Variants in FKBP15 observed in about 807,000 individuals in gnomAD.
FKBP15 encodes the protein FK506-binding protein 15.
FKBP15 carries 106 observed loss-of-function variants against 158.1 expected under a neutral mutation model. The observed-to-expected ratio is 0.67, with a 90% CI of 0.57 to 0.79. FKBP15 has a LOEUF of 0.79. Among genes scored for constraint, FKBP15 ranks in the 30% least tolerant of loss-of-function variants. The pLI is 0.00. For synonymous variants in FKBP15, 547 were observed against 548.6 expected (o/e 1.00, Z 0.04); for missense variants, 1,287 against 1,479.1 (o/e 0.87, Z 2.13).
chr9:113,212,563 G>A (rs1395815449), intron 1 of FKBP15, among the ~76,000 whole-genome samples: 2 of 152,120 alleles, frequency 1.3e-5, no homozygotes, highest in African/African-American at 4.8e-5. Context: ...TTTTTATACT[G>A]TCAATTAACT....
At chr9:113,194,864 C>T (rs996605709) in intron 9 of FKBP15, among the ~76,000 whole-genome samples, 2 of 152,136 alleles carry the variant, frequency 1.3e-5, no homozygotes, top group African/African-American at 4.8e-5. Context: ...AATATCTATG[C>T]TATTAAAAAG....
intron 19 of FKBP15, among the ~76,000 whole-genome samples, chr9:113,181,981 G>C (rs1830406527): frequency 6.6e-6 from 1 of 152,120 alleles, no homozygotes; most frequent in Non-Finnish European, 1.5e-5. Flanking sequence ...TGCAGGATGA[G>C]GCACTGCTTG....
intron 4 of FKBP15, among the ~76,000 whole-genome samples, chr9:113,205,137 A>G (rs1830863400): frequency 6.6e-6 from 1 of 152,242 alleles, no homozygotes; most frequent in Non-Finnish European, 1.5e-5. Flanking sequence ...ATGGATTCTC[A>G]GATAAAACAC....
rs16911401 is a variant in FKBP15, at chr9:113,178,325, G to A, written c.2086+305C>T. On this transcript the variant is annotated intron_variant, in intron 20 of 27. Transcript: ENST00000238256. Reference sequence around the variant, plus strand: ...TTTTTAAACTTCCACTGAGTCATGAGTTAGAACAACACATCAACTATTCCA... The same window carrying A: ...TTTTTAAACTTCCACTGAGTCATGAATTAGAACAACACATCAACTATTCCA... Among the ~76,000 whole-genome samples, 737 of 152,284 alleles carry A rather than the reference G, an allele frequency of 4.8e-3. 5 individuals are homozygous for A. Among genetic ancestry groups the A allele is most frequent in the African/African-American group, 0.016 (682 of 41,542 alleles).
rs1830045850 is a variant in FKBP15, at chr9:113,163,198, C to T, written c.*2880G>A. 3.8e-6 allele frequency: 1 copy of T among 262,296 alleles called. No homozygotes were observed. The highest frequency in any genetic ancestry group is 2.2e-5 in the African/African-American group (1 of 45,040). The allele number at this position is 262,296 out of a possible 1,614,324, so 16.2% of individuals were successfully genotyped here. A position where few individuals can be genotyped will look rare whatever the true frequency, so the allele number is the denominator to read the frequency against. ...GGAGATAACAGGGGTGGCAGGGTTA[C>T]TGAGCCCATGACAATGCTTCTCTGT... On this transcript the variant is annotated 3_prime_UTR_variant, in exon 28 of 28. Transcript: ENST00000238256.
intron 1 of FKBP15, among the ~76,000 whole-genome samples, chr9:113,213,682 C>G (rs1234995578): frequency 6.6e-6 from 1 of 152,028 alleles, no homozygotes; most frequent in Non-Finnish European, 1.5e-5. Context: ...GTATGCTTGC[C>G]ATGTGATGCC....
intron 1 of FKBP15, among the ~76,000 whole-genome samples, chr9:113,218,797 T>C (rs139285962): frequency 6.6e-6 from 1 of 152,344 alleles, no homozygotes; most frequent in East Asian, 1.9e-4. Context: ...TAACTGGGGA[T>C]AGAATCAACA....
At chr9:113,170,932 C>T (rs1453214389) in intron 24 of FKBP15, among the ~76,000 whole-genome samples, 1 of 152,178 alleles carries the variant, frequency 6.6e-6, no homozygotes, top group East Asian at 1.9e-4. Context: ...GTGAGCACCA[C>T]TAGGAGCTGC....
chr9:113,163,033 C>T lies in FKBP15; in HGVS notation c.*3045G>A, dbSNP rs1830042392. On this transcript the variant is annotated 3_prime_UTR_variant, in exon 28 of 28. Transcript: ENST00000238256. ...CTATTCCTCCACCTTATTCCCAGCC[C>T]CTGGAAACTTTGAGCTGAAGCCAGC... The T allele has an allele frequency of 5.6e-6, 6 of 1,062,888 alleles. No individual in the cohort carries two copies. Among genetic ancestry groups the T allele is most frequent in the Non-Finnish European group, 7.7e-6 (6 of 777,336 alleles). 65.8% of individuals were successfully genotyped at this position (1,062,888 alleles called of 1,614,324 possible).
rs986452849 is a variant in FKBP15 at position 113,163,076 on chromosome 9, C to T, written c.*3002G>A. The T allele has an allele frequency of 5.6e-5, 36 of 642,990 alleles. No individual in the cohort carries two copies. Among genetic ancestry groups the T allele is most frequent in the East Asian group, 4.1e-4 (13 of 31,804 alleles). 39.8% of individuals were successfully genotyped at this position (642,990 alleles called of 1,614,324 possible). A position where few individuals can be genotyped will look rare whatever the true frequency, so the allele number is the denominator to read the frequency against. ...AAGCCAGCACTTGCTCCCTGGAGTT[C>T]GGAAGCCATTGCAGCAACCTTCCTT... On this transcript the variant is annotated 3_prime_UTR_variant, in exon 28 of 28. Transcript: ENST00000238256.
In FKBP15 at chr9:113,178,721, C is replaced by CT; in HGVS notation, c.1994dup (p.Glu666GlyfsTer37). On this transcript the variant is annotated frameshift_variant, in exon 20 of 28. Transcript: ENST00000238256. LOFTEE classifies it high-confidence loss of function. ...TCAGCTGCATCTGCAGCTCTGTTTCCTTTTTTTGGTGAGCAGTCATTTTCA... is the reference window on the plus strand; with the variant it reads ...TCAGCTGCATCTGCAGCTCTGTTTCCTTTTTTTTGGTGAGCAGTCATTTTCA... The CT allele has an allele frequency of 1.2e-6, 2 of 1,608,726 alleles. No individual in the cohort carries two copies. The highest frequency in any genetic ancestry group is 1.7e-6 in the Non-Finnish European group (2 of 1,177,534).
intron 18 of FKBP15, 69 bp from the exon 19 acceptor site, chr9:113,182,937 C>T (rs1830425813): frequency 2.5e-6 from 3 of 1,213,096 alleles, no homozygotes; most frequent in Non-Finnish European, 2.4e-6. Context: ...CAACCCAATG[C>T]CCATTCTGTC....
Position 113,163,065 on chromosome 9 carries a change from TCC to T in FKBP15, c.*3011_*3012del. The T allele has an allele frequency of 4.1e-6, 3 of 723,418 alleles. No individual in the cohort carries two copies. In the Admixed American group the frequency reaches 1.0e-4, roughly 25 times the overall value. The allele number at this position is 723,418 out of a possible 1,614,324, so 44.8% of individuals were successfully genotyped here. On this transcript the variant is annotated 3_prime_UTR_variant, in exon 28 of 28. Coordinates refer to ENST00000238256, the MANE Select transcript of FKBP15 (RefSeq NM_015258.2). ...ACTTTGAGCTGAAGCCAGCACTTGC[TCC>T]CTGGAGTTCGGAAGCCATTGCAGCA...
chr9:113,176,414 A>T (rs1830300517), intron 21 of FKBP15, 123 bp downstream of exon 21: 18 of 1,214,178 alleles, frequency 1.5e-5, no homozygotes, highest in Admixed American at 2.9e-5. Context: ...TTTTTTTTTA[A>T]TTTTACACTT....
intron 1 of FKBP15, among the ~76,000 whole-genome samples, chr9:113,212,595 CTT>C (rs1000281414): frequency 6.6e-6 from 1 of 152,166 alleles, no homozygotes; most frequent in African/African-American, 2.4e-5. Flanking sequence ...AAATTCTTCT[CTT>C]GACTTCTGCA....
chr9:113,208,604 T>G (rs1303143734), intron 2 of FKBP15, among the ~76,000 whole-genome samples: 1 of 152,184 alleles, frequency 6.6e-6, no homozygotes, highest in African/African-American at 2.4e-5. Flanking sequence ...TAAATTAAAA[T>G]GCAACATTTT....
At chr9:113,170,068 A>T (rs999766877) in intron 25 of FKBP15, 126 bp from the exon 26 acceptor site, 1 of 1,261,928 alleles carries the variant, frequency 7.9e-7, no homozygotes, top group African/African-American at 1.5e-5. Flanking sequence ...GAGGCTGACT[A>T]TATCTGTCAA....
intron 11 of FKBP15, among the ~76,000 whole-genome samples, chr9:113,191,077 C>T (rs1168937443): frequency 1.3e-5 from 2 of 152,194 alleles, no homozygotes; most frequent in Admixed American, 6.5e-5. Context: ...CTTCCATTAA[C>T]TGATCCAAAA....
Position 113,168,517 on chromosome 9 carries a change from TGC to T in FKBP15, c.3523_3524del (p.Ala1175AsnfsTer12). The T allele has an allele frequency of 6.2e-7, 1 of 1,613,978 alleles. No individual in the cohort carries two copies. The highest frequency in any genetic ancestry group is 2.2e-5 in the East Asian group (1 of 44,886). ...GDEEDELFKG[A>X]TLKALRPKAQ... is the part of the protein sequence containing the mutation. Reference sequence around the variant, plus strand: ...CTTTGGGCCTCAGAGCTTTCAGAGTTGCCCCTTTAAACAGTTCATCCTCTTCA... The same window carrying T: ...CTTTGGGCCTCAGAGCTTTCAGAGTTCCCTTTAAACAGTTCATCCTCTTCA... On this transcript the variant is annotated frameshift_variant, in exon 27 of 28. Coordinates refer to ENST00000238256, the MANE Select transcript of FKBP15 (RefSeq NM_015258.2). LOFTEE classifies it high-confidence loss of function.
Sources: gnomAD v4.1 joint callset for allele counts (sites outside exome capture counted in the v4.1 genomes callset) on GRCh38, gnomAD v4.1.1 for gene constraint, MANE v1.5 for transcripts, NCBI Gene and HGNC (gene_info 2026-07-23, HGNC 2026-07-21) for gene names.